The following CSMD1 variants were observed in gnomAD, a reference collection of about 807,000 sequenced individuals.
CSMD1 encodes the protein CUB and Sushi multiple domains 1, also known as CUB and sushi domain-containing protein 1.
A neutral mutation model predicts 417.5 loss-of-function variants in CSMD1; 213 were observed. The ratio of observed to expected loss-of-function variants is 0.51; its 90% CI spans 0.46 to 0.57. The LOEUF is 0.57. CSMD1 is among the 20% of genes least tolerant of loss of function. The pLI is 0.00. For missense variants in CSMD1, 6,923 were observed against 4,529.7 expected, an observed-to-expected ratio of 1.53 and a Z score of -15.17; for synonymous variants, 2,862 against 1,736.8, an observed-to-expected ratio of 1.65 and a Z score of -16.11.
intron 26 of CSMD1, among the ~76,000 whole-genome samples, chr8:3,283,217 G>C (rs1432220864): frequency 6.6e-6 from 1 of 152,104 alleles, no homozygotes; most frequent in Middle Eastern, 3.2e-3. Context: ...CCTGAACCGG[G>C]AAGTTGCAAG....
chr8:4,522,118 G>A (rs1375033208), intron 2 of CSMD1, among the ~76,000 whole-genome samples: 3 of 152,122 alleles, frequency 2.0e-5, no homozygotes, highest in Non-Finnish European at 2.9e-5. Context: ...AGGAGCCTGG[G>A]GGGAGGTGAT....
At chr8:3,195,543 G>C (rs1796659137) in intron 33 of CSMD1, among the ~76,000 whole-genome samples, 2 of 152,170 alleles carry the variant, frequency 1.3e-5, no homozygotes, top group Admixed American at 1.3e-4. Flanking sequence ...TTGCGTCTAA[G>C]AATATGTTGA....
intron 5 of CSMD1, among the ~76,000 whole-genome samples, chr8:3,847,115 TCTC>T (rs1803561782): frequency 6.6e-6 from 1 of 152,052 alleles, no homozygotes; most frequent in Admixed American, 6.6e-5. Flanking sequence ...GCTCCTGAGG[TCTC>T]CTCCTCTTGC....
intron 3 of CSMD1, among the ~76,000 whole-genome samples, chr8:4,123,372 C>T (rs572836237): frequency 2.0e-5 from 3 of 152,190 alleles, no homozygotes; most frequent in Non-Finnish European, 4.4e-5. Flanking sequence ...CCATAACGTC[C>T]TTTATTAATT....
chr8:4,915,042 G>T (rs544576410), intron 1 of CSMD1, among the ~76,000 whole-genome samples: 3 of 152,172 alleles, frequency 2.0e-5, no homozygotes, highest in Non-Finnish European at 4.4e-5. Flanking sequence ...CTGCACGTGT[G>T]GAGGGAATAG....
At chr8:4,663,477 G>C (rs573552195) in intron 1 of CSMD1, among the ~76,000 whole-genome samples, 1 of 152,262 alleles carries the variant, frequency 6.6e-6, no homozygotes, top group South Asian at 2.1e-4. Flanking sequence ...CCTGGTGGGA[G>C]GTGATTGAAT....
intron 5 of CSMD1, among the ~76,000 whole-genome samples, chr8:3,825,601 A>G (rs902844715): frequency 6.6e-6 from 1 of 152,176 alleles, no homozygotes. Context: ...GAAGGGATTA[A>G]TAGAAGAGTA....
intron 1 of CSMD1, among the ~76,000 whole-genome samples, chr8:4,829,253 A>AT (rs1261341185): frequency 8.5e-5 from 13 of 152,110 alleles, no homozygotes; most frequent in Non-Finnish European, 1.6e-4. Context: ...CCATTTTAAT[A>AT]TTTTTTCAGT....
intron 5 of CSMD1, among the ~76,000 whole-genome samples, chr8:3,818,798 C>T (rs772154161): frequency 6.6e-6 from 1 of 152,180 alleles, no homozygotes; most frequent in Non-Finnish European, 1.5e-5. Context: ...CGACCTACGT[C>T]CCTCTTTCCC....
In CSMD1 at chr8:3,608,396, C is replaced by G. The variant is rs149666918; in HGVS notation, c.1097+8314G>C. On this transcript the variant is annotated intron_variant, in intron 8 of 69. Coordinates refer to ENST00000635120, the MANE Select transcript of CSMD1 (RefSeq NM_033225.6). ...TGAGAAGCTCAAGTTTCAGAGAATT[C>G]AGGGAGCTCCCTAAGTTCAGTTTCA... Among the ~76,000 whole-genome samples, 72 of 152,216 alleles carry G rather than the reference C, an allele frequency of 4.7e-4. 1 individual carries two copies. The highest frequency in any genetic ancestry group is 1.7e-3 in the African/African-American group (70 of 41,550).
chr8:3,205,744 T>G, intron 30 of CSMD1, 124 bp from the exon 31 acceptor site: 3 of 490,836 alleles, frequency 6.1e-6, no homozygotes, highest in Non-Finnish European at 3.6e-6. Context: ...AATAAGAAGT[T>G]AAAATCTTGT....
intron 2 of CSMD1, among the ~76,000 whole-genome samples, chr8:4,580,020 C>G (rs1799337489): frequency 6.6e-6 from 1 of 152,178 alleles, no homozygotes; most frequent in Non-Finnish European, 1.5e-5. Context: ...ACTGTCACAT[C>G]TTTATAGTAG....
chr8:4,033,420 T>A lies in CSMD1; in HGVS notation c.416-1321A>T, dbSNP rs35642001. On this transcript the variant is annotated intron_variant, in intron 3 of 69. Coordinates refer to ENST00000635120, the MANE Select transcript of CSMD1 (RefSeq NM_033225.6). ...TCGCACCACTGCACTCCAGCGTGGGTGACAGAGCGAGACTCCGCCTCAAAA... is the reference window on the plus strand; with the variant it reads ...TCGCACCACTGCACTCCAGCGTGGGAGACAGAGCGAGACTCCGCCTCAAAA... Among the ~76,000 whole-genome samples the A allele has an allele frequency of 7.9e-5, 12 of 152,142 alleles. No individual in the cohort carries two copies. In the South Asian group the frequency reaches 1.7e-3, roughly 21 times the overall value.
rs577488968 is a variant in CSMD1, at chr8:3,556,789, C to G, written c.1344+18156G>C. On this transcript the variant is annotated intron_variant, in intron 10 of 69. Coordinates refer to ENST00000635120, the MANE Select transcript of CSMD1 (RefSeq NM_033225.6). The stretch of plus-strand genomic sequence containing the variant: ...TGCTCAGCCTCTGATCATAGAAAGA[C>G]TGCCAAAAGAGGCGACCTTGGTGGA... 1.4e-4 allele frequency among the ~76,000 whole-genome samples: 21 copies of G among 152,246 alleles called. No homozygotes were observed. The South Asian group carries it at 4.1e-3, about 30-fold the overall frequency.
intron 1 of CSMD1, among the ~76,000 whole-genome samples, chr8:4,909,674 C>T (rs912946965): frequency 4.6e-5 from 7 of 152,106 alleles, no homozygotes; most frequent in South Asian, 2.1e-4. Flanking sequence ...TGCACACCCC[C>T]GGATTTTCTC....
chr8:4,380,175 C>A (rs911683730), intron 3 of CSMD1, among the ~76,000 whole-genome samples: 1 of 152,140 alleles, frequency 6.6e-6, no homozygotes, highest in African/African-American at 2.4e-5. Context: ...ATGTAACTCC[C>A]TTAGGAGGGC....
At chr8:4,217,977 G>C (rs907549434) in intron 3 of CSMD1, among the ~76,000 whole-genome samples, 31 of 152,180 alleles carry the variant, frequency 2.0e-4, no homozygotes, top group African/African-American at 7.5e-4. Flanking sequence ...TAGTTGGTGG[G>C]AAACAGTGAA....
intron 1 of CSMD1, among the ~76,000 whole-genome samples, chr8:4,878,521 A>T (rs981473200): frequency 1.1e-4 from 17 of 152,020 alleles, no homozygotes; most frequent in African/African-American, 4.1e-4. Flanking sequence ...TTTTATTATT[A>T]TTCAGAATGA....
intron 3 of CSMD1, among the ~76,000 whole-genome samples, chr8:4,187,483 A>C (rs980606884): frequency 1.3e-5 from 2 of 152,106 alleles, no homozygotes; most frequent in Non-Finnish European, 2.9e-5. Flanking sequence ...GTCGCTACTA[A>C]AAATACAAAA....
Sources: allele counts gnomAD v4.1 joint callset (sites outside exome capture counted in the v4.1 genomes callset), GRCh38; gene constraint gnomAD v4.1.1; transcripts MANE v1.5; gene names NCBI Gene and HGNC (gene_info 2026-07-23, HGNC 2026-07-21).